The following LOC101059915 variants were observed in gnomAD, a reference collection of about 807,000 sequenced individuals.
the LOC101059915 span, chrX:71,668,563 A>C: frequency 8.9e-7 from 1 of 1,117,561 alleles, no homozygotes; most frequent in South Asian, 2.3e-5. Context: ...CCGCAGGGAG[A>C]GTTACCTTCA....
chrX:71,669,036 C>T, the LOC101059915 span: 1 of 1,157,399 alleles, frequency 8.6e-7, no homozygotes, highest in South Asian at 2.0e-5. Flanking sequence ...TCCCAAGGGC[C>T]CAAGTGAGTA....
the LOC101059915 span, chrX:71,667,954 G>T: frequency 5.5e-5 from 64 of 1,157,382 alleles, no homozygotes; most frequent in African/African-American, 1.0e-3. Context: ...CAGTGGCAAG[G>T]GTAAGGGCAA....
At chrX:71,668,108 C>T in the LOC101059915 span, 2 of 1,140,943 alleles carry the variant, frequency 1.8e-6, no homozygotes, top group Non-Finnish European at 1.2e-6. Flanking sequence ...GGGGACTACT[C>T]TTTCTACCTG....
chrX:71,668,458 G>T, the LOC101059915 span: 57 of 1,157,888 alleles, frequency 4.9e-5, no homozygotes, highest in East Asian at 1.4e-3. Context: ...CGACTTACCG[G>T]TGATTAGGGT....
chrX:71,671,442 T>G, the LOC101059915 span: 1 of 419,564 alleles, frequency 2.4e-6, no homozygotes, highest in Non-Finnish European at 4.1e-6. Flanking sequence ...CATATCCTGT[T>G]CAGCCAGGGC....
chrX:71,668,594 T>C, the LOC101059915 span: 42 of 1,096,120 alleles, frequency 3.8e-5, no homozygotes, highest in Admixed American at 2.2e-4. Context: ...CCTCTCCTGA[T>C]CTCTCCTCCC....
At chrX:71,670,903 G>C in the LOC101059915 span, 1 of 752,235 alleles carries the variant, frequency 1.3e-6, no homozygotes. Context: ...CTCTTAGAAC[G>C]GTTAGAGATA....
At chrX:71,670,722 G>C in the LOC101059915 span, 1 of 1,097,842 alleles carries the variant, frequency 9.1e-7, no homozygotes, top group Non-Finnish European at 1.2e-6. Flanking sequence ...GCTGGTGGTG[G>C]GGGTGGACTG....
At chrX:71,667,688 G>A in the LOC101059915 span, 12 of 798,043 alleles carry the variant, frequency 1.5e-5, no homozygotes, top group Non-Finnish European at 1.9e-5. Flanking sequence ...TTCGCTCTCA[G>A]GCTCAAAGCT....
At chrX:71,670,510 A>C in the LOC101059915 span, 1 of 1,075,614 alleles carries the variant, frequency 9.3e-7, no homozygotes, top group African/African-American at 1.9e-5. Flanking sequence ...ACTGGGCTGC[A>C]GGCTATGGGG....
chrX:71,667,881 C>T, the LOC101059915 span: 156 of 1,108,774 alleles, frequency 1.4e-4, 1 homozygote, highest in South Asian at 2.7e-3. Context: ...GCGCCCACAC[C>T]GCCAGCCCGG....
At chrX:71,671,479 C>G in the LOC101059915 span, 1 of 369,156 alleles carries the variant, frequency 2.7e-6, no homozygotes, top group Non-Finnish European at 4.8e-6. Flanking sequence ...CATTTGCCCC[C>G]TTCCCAACAC....
At chrX:71,669,759 G>A in the LOC101059915 span, 141 of 948,346 alleles carry the variant, frequency 1.5e-4, 1 homozygote, top group Admixed American at 1.8e-3. Context: ...AGAGGGGTCC[G>A]GAGGGAAACC....
At chrX:71,670,916 T>C in the LOC101059915 span, 12 of 753,944 alleles carry the variant, frequency 1.6e-5, no homozygotes, top group Non-Finnish European at 1.9e-5. Context: ...TAGAGATACC[T>C]TATGTGTTTT....
At chrX:71,667,923 C>T in the LOC101059915 span, 2 of 1,140,838 alleles carry the variant, frequency 1.8e-6, no homozygotes, top group Non-Finnish European at 2.3e-6. Context: ...ACGGCCGAGA[C>T]CTCAATTTTG....
chrX:71,670,119 A>G, the LOC101059915 span: 1 of 797,498 alleles, frequency 1.3e-6, no homozygotes, highest in Non-Finnish European at 1.8e-6. Context: ...AGACCGTCCC[A>G]GAGGGAGGGT....
the LOC101059915 span, chrX:71,669,748 GA>G: frequency 1.0e-6 from 1 of 971,922 alleles, no homozygotes; most frequent in Non-Finnish European, 1.3e-6. Flanking sequence ...GGGTGGAGGG[GA>G]GAGGGGTCCG....
At chrX:71,668,004 C>T in the LOC101059915 span, 128 of 1,164,915 alleles carry the variant, frequency 1.1e-4, no homozygotes, top group East Asian at 3.3e-3. Context: ...GCTTCAGCTT[C>T]GAGTCTGAGA....
chrX:71,668,816 G>A, the LOC101059915 span: 1 of 1,084,261 alleles, frequency 9.2e-7, no homozygotes, highest in Non-Finnish European at 1.2e-6. Flanking sequence ...CTGGCCCTGC[G>A]GGGAGCCTTT....
Sources: allele counts gnomAD v4.1 joint callset, GRCh38; gene constraint gnomAD v4.1.1; transcripts MANE v1.5.